CTXND2: variants seen among roughly 807,000 people sequenced by gnomAD.
CTXND2 encodes the protein cortexin domain containing 2.
At position 150,903,380 on chromosome 1, in the gene CTXND2, T is replaced by G. The variant is rs374585047; in HGVS notation, c.-73-8862T>G. Among the ~76,000 whole-genome samples the G allele has an allele frequency of 6.5e-4, 99 of 152,260 alleles. 1 individual carries two copies. The highest frequency in any genetic ancestry group is 2.3e-3 in the African/African-American group (95 of 41,554). ...AGAGGCCAACAGCCTTTCCCTGCCT[T>G]GGATTCTGAAGTGTTCCTGTCTGTC... On this transcript the variant is annotated intron_variant, in intron 1 of 1. Transcript: ENST00000636087.
intron 1 of CTXND2, among the ~76,000 whole-genome samples, chr1:150,896,000 G>A (rs1170299512): frequency 6.6e-6 from 1 of 152,164 alleles, no homozygotes; most frequent in Non-Finnish European, 1.5e-5. Flanking sequence ...ATTTCTGTCT[G>A]TTTATAAGAC....
intron 1 of CTXND2, among the ~76,000 whole-genome samples, chr1:150,905,363 C>T (rs186219369): frequency 1.8e-3 from 263 of 145,720 alleles, no homozygotes; most frequent in Admixed American, 4.6e-3. Flanking sequence ...AGGCTGGTCT[C>T]GGACTCCTGA....
rs74503525 is a variant in CTXND2, at chr1:150,894,357, G to A, written c.-74+7044G>A. ...AAAATATGAATTTGCTAATTATAGG[G>A]CACAAGATTTTATAGATGTTCAATA... On this transcript the variant is annotated intron_variant, in intron 1 of 1. Transcript: ENST00000636087. Among the ~76,000 whole-genome samples, 1,287 of 152,192 alleles carry A rather than the reference G, an allele frequency of 8.5e-3. 7 individuals are homozygous for A. The highest frequency in any genetic ancestry group is 0.012 in the Non-Finnish European group (812 of 68,004).
chr1:150,909,425 C>T (rs1487094235), intron 1 of CTXND2, among the ~76,000 whole-genome samples: 2 of 151,784 alleles, frequency 1.3e-5, no homozygotes, highest in Admixed American at 6.6e-5. Context: ...GGCATGATGA[C>T]GTGCACCTGT....
intron 1 of CTXND2, among the ~76,000 whole-genome samples, chr1:150,894,293 G>A (rs56163319): frequency 1.3e-5 from 2 of 152,230 alleles, no homozygotes; most frequent in East Asian, 1.9e-4. Flanking sequence ...ACACATGACC[G>A]AAAAGCCCAA....
At chr1:150,899,093 G>T (rs975195975) in intron 1 of CTXND2, among the ~76,000 whole-genome samples, 1 of 139,538 alleles carries the variant, frequency 7.2e-6, no homozygotes, top group Non-Finnish European at 1.5e-5. Context: ...GCAAGACTCC[G>T]TCTCAAATAA....
At chr1:150,909,813 C>A (rs1178183564) in intron 1 of CTXND2, among the ~76,000 whole-genome samples, 1 of 152,156 alleles carries the variant, frequency 6.6e-6, no homozygotes, top group Non-Finnish European at 1.5e-5. Context: ...TCAGGTGCTG[C>A]AGCAGAGGAA....
chr1:150,905,915 G>A lies in CTXND2; in HGVS notation c.-73-6327G>A, dbSNP rs188803475. On this transcript the variant is annotated intron_variant, in intron 1 of 1. Coordinates refer to ENST00000636087, the Ensembl canonical transcript of CTXND2. The stretch of plus-strand genomic sequence containing the variant: ...TGAGGCAGGAGAATGGCGTGAACCC[G>A]GGAGGCGGAGCTTGCAGTGAGCTGA... Among the ~76,000 whole-genome samples the A allele has an allele frequency of 3.3e-3, 491 of 151,004 alleles. 8 individuals are homozygous for A. Among genetic ancestry groups the A allele is most frequent in the East Asian group, 8.8e-3 (45 of 5,100 alleles).
At chr1:150,894,025 T>TCAGG (rs1668885137) in intron 1 of CTXND2, among the ~76,000 whole-genome samples, 1 of 151,982 alleles carries the variant, frequency 6.6e-6, no homozygotes, top group African/African-American at 2.4e-5. Flanking sequence ...ACTATGTTGC[T>TCAGG]CAGGCTGGTC....
chr1:150,907,820 C>T (rs1461828931), intron 1 of CTXND2, among the ~76,000 whole-genome samples: 1 of 149,686 alleles, frequency 6.7e-6, no homozygotes, highest in African/African-American at 2.5e-5. Context: ...CGCCATTCTC[C>T]TGCCTCAGCC....
At chr1:150,893,537 T>C (rs1427465326) in intron 1 of CTXND2, among the ~76,000 whole-genome samples, 1 of 152,194 alleles carries the variant, frequency 6.6e-6, no homozygotes, top group Non-Finnish European at 1.5e-5. Context: ...TGGTTCACTA[T>C]GGCCTTGATC....
At chr1:150,902,860 C>T (rs587760199) in intron 1 of CTXND2, among the ~76,000 whole-genome samples, 1 of 152,104 alleles carries the variant, frequency 6.6e-6, no homozygotes, top group Admixed American at 6.5e-5. Flanking sequence ...TTGGTATTTT[C>T]CCTCTGTACA....
At chr1:150,898,287 T>C (rs754600411) in intron 1 of CTXND2, among the ~76,000 whole-genome samples, 11 of 152,122 alleles carry the variant, frequency 7.2e-5, no homozygotes, top group South Asian at 2.1e-4. Flanking sequence ...CTTCTTCCCA[T>C]TGGACTTTAC....
rs1325897278 is a variant in CTXND2, at chr1:150,898,772, A to T, written c.-74+11459A>T. Among the ~76,000 whole-genome samples the T allele has an allele frequency of 2.8e-5, 4 of 143,150 alleles. No individual in the cohort carries two copies. In the South Asian group the frequency reaches 8.6e-4, roughly 31 times the overall value. The allele number at this position is 143,150 out of a possible 152,430, so 93.9% of individuals were successfully genotyped here. A position where few individuals can be genotyped will look rare whatever the true frequency, so the allele number is the denominator to read the frequency against. ...TCTGACTCAAAAAAAAAAAAAAAAG[A>T]AAGAAAGAAAGGCAGGGCGGGGGGC... On this transcript the variant is annotated intron_variant, in intron 1 of 1. Transcript: ENST00000636087.
intron 1 of CTXND2, among the ~76,000 whole-genome samples, chr1:150,892,681 G>C (rs1283981883): frequency 6.6e-6 from 1 of 151,882 alleles, no homozygotes; most frequent in African/African-American, 2.4e-5. Flanking sequence ...TGGGACTACA[G>C]GTGCCCACCA....
chr1:150,891,403 C>A (rs1022889945), intron 1 of CTXND2, among the ~76,000 whole-genome samples: 5 of 152,036 alleles, frequency 3.3e-5, no homozygotes, highest in African/African-American at 1.2e-4. Context: ...TTAGTAGAGA[C>A]AGGGTTTCAC....
intron 1 of CTXND2, among the ~76,000 whole-genome samples, chr1:150,892,575 C>G (rs1279631336): frequency 6.8e-6 from 1 of 147,428 alleles, no homozygotes; most frequent in Non-Finnish European, 1.5e-5. Flanking sequence ...GCTTTATCAT[C>G]CAGCCTGGAT....
intron 1 of CTXND2, among the ~76,000 whole-genome samples, chr1:150,909,833 C>T (rs1669217953): frequency 6.6e-6 from 1 of 152,278 alleles, no homozygotes; most frequent in African/African-American, 2.4e-5. Flanking sequence ...AACCGGAACT[C>T]AGTCACAAAT....
intron 1 of CTXND2, among the ~76,000 whole-genome samples, chr1:150,899,481 T>C (rs1350717683): frequency 6.6e-6 from 1 of 151,980 alleles, no homozygotes; most frequent in African/African-American, 2.4e-5. Flanking sequence ...AGATCAGGGA[T>C]CTAAATGGAA....
Sources: allele counts gnomAD v4.1 joint callset (sites outside exome capture counted in the v4.1 genomes callset), GRCh38; gene constraint gnomAD v4.1.1; transcripts MANE v1.5; gene names NCBI Gene and HGNC (gene_info 2026-07-23, HGNC 2026-07-21).